The following ERO1B variants were observed in gnomAD, a reference collection of about 807,000 sequenced individuals.
ERO1B encodes ERO1-like protein beta.
In ERO1B, 49 loss-of-function variants were observed where a neutral mutation model predicts 75.3. The observed-to-expected ratio is 0.65, with a 90% CI of 0.52 to 0.83. ERO1B has a LOEUF of 0.83. ERO1B is among the 40% of genes least tolerant of loss of function. The pLI is 0.00. For missense variants in ERO1B, 512 were observed against 560.1 expected (o/e 0.91, Z 0.87); for synonymous variants, 191 against 192.9 (o/e 0.99, Z 0.08).
chr1:236,235,646 G>T, intron 8 of ERO1B, 143 bp downstream of exon 8: 1 of 672,028 alleles, frequency 1.5e-6, no homozygotes. Context: ...CTCGAGACTC[G>T]ACTATGAACT....
At chr1:236,241,121 A>G (rs957019100) in intron 6 of ERO1B, among the ~76,000 whole-genome samples, 8 of 152,198 alleles carry the variant, frequency 5.3e-5, no homozygotes, top group Non-Finnish European at 1.2e-4. Flanking sequence ...CAACAGCAAA[A>G]CAGCAGGAAA....
intron 2 of ERO1B, among the ~76,000 whole-genome samples, chr1:236,260,252 T>C (rs1045580279): frequency 3.9e-5 from 6 of 151,952 alleles, no homozygotes; most frequent in African/African-American, 1.4e-4. Context: ...CTAGAAGAAA[T>C]GAAGATATTA....
chr1:236,262,771 C>T (rs1379159978), intron 2 of ERO1B, among the ~76,000 whole-genome samples: 4 of 152,074 alleles, frequency 2.6e-5, no homozygotes, highest in African/African-American at 9.7e-5. Flanking sequence ...CATGGTGCAA[C>T]GAGTGGACTG....
chr1:236,241,411 G>A (rs963847293), intron 6 of ERO1B, among the ~76,000 whole-genome samples: 1 of 152,170 alleles, frequency 6.6e-6, no homozygotes, highest in East Asian at 1.9e-4. Flanking sequence ...AGCTGTGCAT[G>A]GTGGTGCATG....
At chr1:236,232,348 A>G (rs1387130584) in intron 9 of ERO1B, among the ~76,000 whole-genome samples, 1 of 152,226 alleles carries the variant, frequency 6.6e-6, no homozygotes, top group Non-Finnish European at 1.5e-5. Context: ...CATTCAGTTG[A>G]AATAATTATT....
chr1:236,264,211 A>AT (rs1428466904), intron 2 of ERO1B, among the ~76,000 whole-genome samples: 1 of 151,890 alleles, frequency 6.6e-6, no homozygotes, highest in African/African-American at 2.4e-5. Flanking sequence ...AGCAATTCTC[A>AT]TGCCTCTGCC....
chr1:236,226,227 T>A (rs1024615637), intron 12 of ERO1B, 42 bp downstream of exon 12: 2 of 1,600,546 alleles, frequency 1.2e-6, no homozygotes, highest in Admixed American at 3.4e-5. Flanking sequence ...CTCATTTGAA[T>A]ACAGAGAGGA....
At chr1:236,224,640 C>T (rs1012720254) in intron 13 of ERO1B, among the ~76,000 whole-genome samples, 2 of 152,082 alleles carry the variant, frequency 1.3e-5, no homozygotes, top group Non-Finnish European at 2.9e-5. Context: ...TAGTTTTAAC[C>T]TTTTAAGTTA....
chr1:236,262,431 C>A (rs916673751), intron 2 of ERO1B, among the ~76,000 whole-genome samples: 4 of 152,154 alleles, frequency 2.6e-5, no homozygotes, highest in African/African-American at 9.7e-5. Flanking sequence ...GAGACAGGGT[C>A]TCACTCTGTC....
chr1:236,277,390 C>T (rs538149925), intron 1 of ERO1B, among the ~76,000 whole-genome samples: 32 of 144,358 alleles, frequency 2.2e-4, no homozygotes, highest in African/African-American at 8.1e-4. Context: ...GGTGACAGAG[C>T]GAGACTCTAC....
chr1:236,225,925 C>A (rs541816333), intron 12 of ERO1B, among the ~76,000 whole-genome samples: 5 of 152,012 alleles, frequency 3.3e-5, no homozygotes, highest in Admixed American at 2.6e-4. Context: ...ACAGAGCAAG[C>A]CTCTGTCTCA....
In ERO1B at chr1:236,217,962, C is replaced by CAT; in HGVS notation, c.*552_*553dup. 6.6e-6 allele frequency: 1 copy of CAT among 152,212 alleles called. No homozygotes were observed. The highest frequency in any genetic ancestry group is 1.5e-5 in the Non-Finnish European group (1 of 67,968). The allele number at this position is 152,212 out of a possible 1,614,324, so 9.4% of individuals were successfully genotyped here. A position where few individuals can be genotyped will look rare whatever the true frequency, so the allele number is the denominator to read the frequency against. On this transcript the variant is annotated 3_prime_UTR_variant, in exon 16 of 16. Coordinates refer to ENST00000354619, the MANE Select transcript of ERO1B (RefSeq NM_019891.4). ...ATCTTCAGGAATTTCTGTAACTATG[C>CAT]ATTGAAAGGGCCATTCATCATGGTG... is the stretch of plus-strand genomic sequence containing the variant.
At chr1:236,222,116 TTTTG>T (rs1297928561) in intron 13 of ERO1B, 106 bp from the exon 14 acceptor site, 58 of 891,300 alleles carry the variant, frequency 6.5e-5, no homozygotes, top group Middle Eastern at 2.5e-4. Flanking sequence ...CAGTTGTGTT[TTTTG>T]TTTGTTTGAG....
chr1:236,252,902 T>A lies in ERO1B; in HGVS notation c.306+520A>T, dbSNP rs148822516. ...TGAAGAAGAGGAATATAATTAATTA[T>A]GTTAGATAACAAAAATCAAAGTCTA... On this transcript the variant is annotated intron_variant, in intron 3 of 15. Transcript: ENST00000354619. Among the ~76,000 whole-genome samples, 125 of 152,114 alleles carry A rather than the reference T, an allele frequency of 8.2e-4. No individual in the cohort carries two copies. The East Asian group carries it at 0.017, about 20-fold the overall frequency.
intron 2 of ERO1B, among the ~76,000 whole-genome samples, chr1:236,261,109 T>A (rs1303364557): frequency 6.6e-6 from 1 of 152,032 alleles, no homozygotes; most frequent in African/African-American, 2.4e-5. Context: ...AAATTCAACA[T>A]CCTTTCATGA....
intron 6 of ERO1B, among the ~76,000 whole-genome samples, chr1:236,239,793 A>ATATATATATATGTGTG (rs1664637290): frequency 2.9e-5 from 4 of 139,548 alleles, no homozygotes; most frequent in African/African-American, 7.8e-5. Flanking sequence ...CTTCAAGTAT[A>ATATATATATATGTGTG]TATATATATA....
intron 2 of ERO1B, among the ~76,000 whole-genome samples, chr1:236,268,640 A>C (rs1394071750): frequency 6.6e-6 from 1 of 151,996 alleles, no homozygotes; most frequent in African/African-American, 2.4e-5. Context: ...TAATCCCAGC[A>C]CTTTGGGAGG....
In ERO1B at chr1:236,249,978, G is replaced by T; in HGVS notation, c.349-11C>A. 6.4e-7 allele frequency: 1 copy of T among 1,565,000 alleles called. No homozygotes were observed. On this transcript the variant is annotated splice_polypyrimidine_tract_variant and intron_variant, in intron 4 of 15. Coordinates refer to ENST00000354619, the MANE Select transcript of ERO1B (RefSeq NM_019891.4). ...TGCCATTTTCAAGTACTGCAAAGAA[G>T]TTCGTAAGTTTAGTAAAAATTATTA...
chr1:236,265,403 G>A (rs142967923), intron 2 of ERO1B, among the ~76,000 whole-genome samples: 113 of 152,192 alleles, frequency 7.4e-4, no homozygotes, highest in African/African-American at 2.6e-3. Context: ...GCTTGTATAT[G>A]TGCACTCAAA....
Sources: gnomAD v4.1 joint callset for allele counts (sites outside exome capture counted in the v4.1 genomes callset) on GRCh38, gnomAD v4.1.1 for gene constraint, MANE v1.5 for transcripts, NCBI Gene and HGNC (gene_info 2026-07-23, HGNC 2026-07-21) for gene names.